ZNF695: variants seen among roughly 807,000 people sequenced by gnomAD.
The protein encoded by ZNF695 is zinc finger protein SBZF3.
In ZNF695, 11 loss-of-function variants were observed where a neutral mutation model predicts 11.2. The ratio of observed to expected loss-of-function variants is 0.98; its 90% CI spans 0.62 to 1.62. ZNF695 has a LOEUF of 1.62. Among genes scored for constraint, ZNF695 ranks in the 40% most tolerant of loss-of-function variants. The pLI, the probability that ZNF695 is intolerant of heterozygous loss-of-function variation, is 0.00. For synonymous variants in ZNF695, 190 were observed against 201.4 expected, an observed-to-expected ratio of 0.94 and a Z score of 0.48; for missense variants, 559 against 590.5, an observed-to-expected ratio of 0.95 and a Z score of 0.55.
At chr1:246,978,844 G>A (rs1668632437) in intron 4 of ZNF695, among the ~76,000 whole-genome samples, 1 of 100,252 alleles carries the variant, frequency 1.0e-5, no homozygotes, top group East Asian at 3.9e-3. Flanking sequence ...AAAGCTGCTT[G>A]TCGGGGAAAT....
intron 4 of ZNF695, among the ~76,000 whole-genome samples, chr1:246,976,793 C>CAAAA (rs1668580186): frequency 6.6e-6 from 1 of 151,392 alleles, no homozygotes; most frequent in African/African-American, 2.4e-5. Flanking sequence ...AACTCCGTCT[C>CAAAA]AAATAAATAA....
At position 246,985,334 on chromosome 1, in the gene ZNF695, T is replaced by A. The variant is rs938553765; in HGVS notation, c.*1633A>T. 12 of 983,684 alleles carry A rather than the reference T, an allele frequency of 1.2e-5. No individual in the cohort carries two copies. The highest frequency in any genetic ancestry group is 5.2e-4 in the Middle Eastern group (1 of 1,934). 60.9% of individuals were successfully genotyped at this position (983,684 alleles called of 1,614,324 possible). Reference sequence around the variant, plus strand: ...AGAAATACACGGTCTTTGATTATAATCCTATATAGGCTTTATTATAGCCTT... The same window carrying A: ...AGAAATACACGGTCTTTGATTATAAACCTATATAGGCTTTATTATAGCCTT... On this transcript the variant is annotated 3_prime_UTR_variant, in exon 4 of 4. Coordinates refer to ENST00000339986, the MANE Select transcript of ZNF695 (RefSeq NM_020394.5).
chr1:246,958,333 C>T (rs1352848567), intron 5 of ZNF695, among the ~76,000 whole-genome samples: 1 of 152,174 alleles, frequency 6.6e-6, no homozygotes, highest in Non-Finnish European at 1.5e-5. Context: ...GCTGGGATTA[C>T]AGGCGTGAGC....
intron 4 of ZNF695, among the ~76,000 whole-genome samples, chr1:246,972,767 C>T (rs1668459541): frequency 6.6e-6 from 1 of 151,954 alleles, no homozygotes; most frequent in South Asian, 2.1e-4. Context: ...TTCTACCCAC[C>T]TTGGCCTCCC....
At position 247,008,044 on chromosome 1, in the gene ZNF695, G is replaced by A. The variant is rs555291399; in HGVS notation, c.-136C>T. ...ACGGGAACCCAGCACCCCGCCGGCCGCAAGGAGACAAAGGCCCCGCCAGAT... is the reference window on the plus strand; with the variant it reads ...ACGGGAACCCAGCACCCCGCCGGCCACAAGGAGACAAAGGCCCCGCCAGAT... On this transcript the variant is annotated 5_prime_UTR_variant, in exon 1 of 4. Transcript: ENST00000339986. 863 of 1,001,928 alleles carry A rather than the reference G, an allele frequency of 8.6e-4. 5 individuals are homozygous for A. The African/African-American group carries it at 0.012, about 14-fold the overall frequency. The allele number at this position is 1,001,928 out of a possible 1,614,324, so 62.1% of individuals were successfully genotyped here.
intron 1 of ZNF695, among the ~76,000 whole-genome samples, chr1:247,003,390 C>T (rs2103033877): frequency 6.6e-6 from 1 of 152,198 alleles, no homozygotes; most frequent in East Asian, 1.9e-4. Context: ...TATGTGGGAG[C>T]TAAATATTGA....
At chr1:246,948,825 T>A (rs1329035842) in intron 5 of ZNF695, among the ~76,000 whole-genome samples, 2 of 152,152 alleles carry the variant, frequency 1.3e-5, no homozygotes, top group Non-Finnish European at 2.9e-5. Context: ...ATTCGCCTCA[T>A]TGCTCTGAAG....
rs903826394 is a variant in ZNF695, at chr1:246,986,986, T to C, written c.1529A>G (p.His510Arg). 1.9e-6 allele frequency: 3 copies of C among 1,585,206 alleles called. No homozygotes were observed. Among genetic ancestry groups the C allele is most frequent in the African/African-American group, 1.4e-5 (1 of 73,528 alleles). ...AFNHSAQLAV[H>R]EKTHT Reference sequence around the variant, plus strand: ...TTTTTCTCAGGTATGAGTTTTCTCATGTACAGCAAGTTGTGCAGAGTGGTT... The same window carrying C: ...TTTTTCTCAGGTATGAGTTTTCTCACGTACAGCAAGTTGTGCAGAGTGGTT... The change falls in exon 4 of 4, where the codon CAT becomes CGT. Residue 510 changes from histidine (H) to arginine (R), a missense_variant. His to Arg is a conservative substitution (Grantham distance 29). Coordinates refer to ENST00000339986, the MANE Select transcript of ZNF695 (RefSeq NM_020394.5).
Position 246,945,834 on chromosome 1 carries a change from A to AAAAG in ZNF695, c.489-11_489-8dup, listed in dbSNP as rs1311682917. 2.6e-6 allele frequency: 4 copies of AAAAG among 1,548,438 alleles called. No individual in the cohort carries two copies. In the African/African-American group the frequency reaches 4.1e-5, roughly 16 times the overall value. On this transcript the variant is annotated splice_polypyrimidine_tract_variant and splice_region_variant and intron_variant, in intron 5 of 5. Coordinates refer to the ZNF695 transcript ENST00000487338. ...GATGGTCGACGACTGGACCCTGAAA[A>AAAAG]AAAGAAAGAAAGAAAAGCAGCTTAA...
At position 246,985,632 on chromosome 1, in the gene ZNF695, T is replaced by A. The variant is rs1223420707; in HGVS notation, c.*1335A>T. The A allele has an allele frequency of 2.0e-6, 2 of 985,358 alleles. No homozygotes were observed. Among genetic ancestry groups the A allele is most frequent in the African/African-American group, 3.5e-5 (2 of 57,362 alleles). The allele number at this position is 985,358 out of a possible 1,614,324, so 61.0% of individuals were successfully genotyped here. A position where few individuals can be genotyped will look rare whatever the true frequency, so the allele number is the denominator to read the frequency against. On this transcript the variant is annotated 3_prime_UTR_variant, in exon 4 of 4. Coordinates refer to ENST00000339986, the MANE Select transcript of ZNF695 (RefSeq NM_020394.5). ...CAATGTCTTATTAAAACAAATTAAG[T>A]TCAAACAGTCTAAAAAGAGCATTTC... is the stretch of plus-strand genomic sequence containing the variant.
At chr1:246,947,190 T>G (rs1217743958) in intron 5 of ZNF695, among the ~76,000 whole-genome samples, 1 of 120,756 alleles carries the variant, frequency 8.3e-6, no homozygotes, top group Non-Finnish European at 1.7e-5. Context: ...GGTTTTTTAT[T>G]TTTTTTGGGG....
intron 1 of ZNF695, among the ~76,000 whole-genome samples, chr1:247,006,060 C>T (rs1669524523): frequency 6.6e-6 from 1 of 151,138 alleles, no homozygotes; most frequent in Admixed American, 6.6e-5. Context: ...CCTGTCTCTA[C>T]AAAAAATACC....
chr1:247,005,044 C>T (rs571782053), intron 1 of ZNF695, among the ~76,000 whole-genome samples: 2 of 152,188 alleles, frequency 1.3e-5, no homozygotes, highest in African/African-American at 2.4e-5. Context: ...TAATACCTAC[C>T]AAAATACCAA....
intron 5 of ZNF695, among the ~76,000 whole-genome samples, chr1:246,956,418 C>A (rs1668003363): frequency 2.0e-5 from 3 of 151,442 alleles, no homozygotes; most frequent in Non-Finnish European, 4.4e-5. Context: ...GAGTTTGAGA[C>A]CAGCCTGGCC....
Position 246,987,761 on chromosome 1 carries a change from A to G in ZNF695, c.754T>C (p.Cys252Arg), listed in dbSNP as rs760981455. The G allele has an allele frequency of 6.3e-7, 1 of 1,594,064 alleles. No individual in the cohort carries two copies. The highest frequency in any genetic ancestry group is 1.2e-5 in the South Asian group (1 of 86,862). The change falls in exon 4 of 4, where the codon TGC becomes CGC. Residue 252 changes from cysteine (C) to arginine (R), a missense_variant. Coordinates refer to ENST00000339986, the MANE Select transcript of ZNF695 (RefSeq NM_020394.5). ...TTCTCAACAACAGCAAGACTTGAGCAAGACTTAAAAATGTTATTACATTCT... is the reference window on the plus strand; with the variant it reads ...TTCTCAACAACAGCAAGACTTGAGCGAGACTTAAAAATGTTATTACATTCT... ...CEECNNIFKS[C>R]SSLAVVEKNH...
At chr1:246,983,928 G>A (rs1346260671), downstream of ZNF695, among the ~76,000 whole-genome samples, 1 of 152,032 alleles carries the variant, frequency 6.6e-6, no homozygotes, top group African/African-American at 2.4e-5. Flanking sequence ...GGCCAAGGCA[G>A]GTCAGTCACT....
At chr1:246,947,434 T>A (rs981819248) in intron 5 of ZNF695, among the ~76,000 whole-genome samples, 1 of 152,076 alleles carries the variant, frequency 6.6e-6, no homozygotes, top group African/African-American at 2.4e-5. Context: ...GACTCACAAT[T>A]GCCTCTCAAC....
At chr1:246,989,022 A>T (rs1404111846) in intron 3 of ZNF695, among the ~76,000 whole-genome samples, 2 of 145,688 alleles carry the variant, frequency 1.4e-5, no homozygotes, top group Admixed American at 6.8e-5. Context: ...TGAACCCGGG[A>T]GGCGGAGCTT....
intron 3 of ZNF695, 93 bp downstream of exon 3, chr1:246,999,255 G>T: frequency 1.0e-6 from 1 of 985,078 alleles, no homozygotes; most frequent in Non-Finnish European, 1.6e-6. Context: ...GCCATTTCCT[G>T]GGAGTAGAGC....
Sources: allele counts gnomAD v4.1 joint callset (sites outside exome capture counted in the v4.1 genomes callset), GRCh38; gene constraint gnomAD v4.1.1; transcripts MANE v1.5; gene names NCBI Gene and HGNC (gene_info 2026-07-23, HGNC 2026-07-21).